CTNND2: variants seen among roughly 807,000 people sequenced by gnomAD.
The protein encoded by CTNND2 is catenin delta-2.
Under a neutral mutation model 144.4 loss-of-function variants are expected in CTNND2, and 22 were observed. The observed-to-expected ratio is 0.15, with a 90% confidence interval of 0.11 to 0.22. CTNND2 has a LOEUF of 0.22. CTNND2 is among the 10% of genes least tolerant of loss of function. The pLI is 1.00. For synonymous variants in CTNND2, 751 were observed against 695.6 expected (o/e 1.08, Z -1.25); for missense variants, 1,353 against 1,618.8 (o/e 0.84, Z 2.82).
chr5:11,392,383 T>C (rs965055386), intron 6 of CTNND2, among the ~76,000 whole-genome samples: 2 of 152,228 alleles, frequency 1.3e-5, no homozygotes, highest in Non-Finnish European at 2.9e-5. Flanking sequence ...AGATTTATCT[T>C]GAAGAATACG....
intron 3 of CTNND2, among the ~76,000 whole-genome samples, chr5:11,512,585 C>A (rs1376202248): frequency 6.6e-6 from 1 of 152,212 alleles, no homozygotes; most frequent in Non-Finnish European, 1.5e-5. Context: ...ATCTGACACA[C>A]TCTATTCATC....
intron 2 of CTNND2, among the ~76,000 whole-genome samples, chr5:11,637,717 T>A (rs1781787158): frequency 6.6e-6 from 1 of 152,178 alleles, no homozygotes; most frequent in African/African-American, 2.4e-5. Context: ...CAACAAATAA[T>A]GGTTTGAAAA....
intron 2 of CTNND2, among the ~76,000 whole-genome samples, chr5:11,665,940 C>T (rs1783546421): frequency 6.6e-6 from 1 of 152,138 alleles, no homozygotes; most frequent in Non-Finnish European, 1.5e-5. Flanking sequence ...CCTTGATAAT[C>T]ATCAATCAGG....
At position 11,562,969 on chromosome 5, in the gene CTNND2, G is replaced by T. The variant is rs1051714727; in HGVS notation, c.287+1975C>A. Among the ~76,000 whole-genome samples, 5 of 152,288 alleles carry T rather than the reference G, an allele frequency of 3.3e-5. No individual in the cohort carries two copies. The South Asian group carries it at 8.3e-4, about 25-fold the overall frequency. Reference sequence around the variant, plus strand: ...GCTTCTCTGTTTTGGGAGGCTCACTGTTACCACAGAGTCCTCCACTAGCAC... The same window carrying T: ...GCTTCTCTGTTTTGGGAGGCTCACTTTTACCACAGAGTCCTCCACTAGCAC... On this transcript the variant is annotated intron_variant, in intron 3 of 21. Transcript: ENST00000304623.
intron 2 of CTNND2, among the ~76,000 whole-genome samples, chr5:11,630,050 T>C (rs1157327253): frequency 1.3e-5 from 2 of 152,230 alleles, no homozygotes; most frequent in Non-Finnish European, 2.9e-5. Flanking sequence ...TTTCTACTTA[T>C]ACGTGCATTT....
chr5:11,157,657 T>C (rs768472598), intron 12 of CTNND2, among the ~76,000 whole-genome samples: 1 of 152,218 alleles, frequency 6.6e-6, no homozygotes, highest in Non-Finnish European at 1.5e-5. Flanking sequence ...CTTGGCTTTG[T>C]TGGAAAAATG....
At chr5:11,170,071 T>C (rs1322959091) in intron 11 of CTNND2, among the ~76,000 whole-genome samples, 3 of 152,206 alleles carry the variant, frequency 2.0e-5, no homozygotes, top group Non-Finnish European at 4.4e-5. Context: ...AAGTCCATTT[T>C]ACAGATGAGG....
chr5:11,765,909 C>T (rs1265729246), intron 1 of CTNND2, among the ~76,000 whole-genome samples: 1 of 152,132 alleles, frequency 6.6e-6, no homozygotes, highest in Non-Finnish European at 1.5e-5. Flanking sequence ...ATCTGTTATA[C>T]ACTGTGGATT....
intron 2 of CTNND2, among the ~76,000 whole-genome samples, chr5:11,590,689 A>T (rs993662829): frequency 6.6e-6 from 1 of 150,682 alleles, no homozygotes; most frequent in Non-Finnish European, 1.5e-5. Context: ...ACACCCTCCC[A>T]GCCCTTGTGA....
chr5:11,453,851 CT>C (rs1765495095), intron 3 of CTNND2, among the ~76,000 whole-genome samples: 2 of 152,008 alleles, frequency 1.3e-5, no homozygotes, highest in Non-Finnish European at 2.9e-5. Flanking sequence ...AGGATTTATA[CT>C]ACTCTTCTTG....
chr5:11,428,574 T>G (rs1762998257), intron 3 of CTNND2, among the ~76,000 whole-genome samples: 1 of 152,226 alleles, frequency 6.6e-6, no homozygotes, highest in Non-Finnish European at 1.5e-5. Context: ...GAACAGAGAC[T>G]AAACCACATT....
At position 11,684,115 on chromosome 5, in the gene CTNND2, T is replaced by A. The variant is rs59625990; in HGVS notation, c.174+48021A>T. 4.3e-3 allele frequency among the ~76,000 whole-genome samples: 661 copies of A among 152,052 alleles called. 5 individuals are homozygous for A. Among genetic ancestry groups the A allele is most frequent in the African/African-American group, 0.015 (615 of 41,524 alleles). On this transcript the variant is annotated intron_variant, in intron 2 of 21. Coordinates refer to ENST00000304623, the MANE Select transcript of CTNND2 (RefSeq NM_001332.4). The stretch of plus-strand genomic sequence containing the variant: ...ATTTTTATTTTTATTTTTTATTTTT[T>A]TTTTTAGATGGAGTCTCGCTCTGTC...
chr5:11,428,946 G>A (rs1273749722), intron 3 of CTNND2, among the ~76,000 whole-genome samples: 2 of 152,194 alleles, frequency 1.3e-5, no homozygotes, highest in Middle Eastern at 3.4e-3. Context: ...AACATATCAT[G>A]GCAAATCCTT....
chr5:11,188,944 A>G (rs1326236176), intron 11 of CTNND2, among the ~76,000 whole-genome samples: 1 of 151,904 alleles, frequency 6.6e-6, no homozygotes, highest in Admixed American at 6.6e-5. Flanking sequence ...AGCCTGCTTG[A>G]TTTTTCTTCA....
At chr5:11,472,356 T>C (rs1395056810) in intron 3 of CTNND2, among the ~76,000 whole-genome samples, 1 of 152,238 alleles carries the variant, frequency 6.6e-6, no homozygotes, top group Non-Finnish European at 1.5e-5. Flanking sequence ...ATTTTACTTT[T>C]ATAATTGAAA....
chr5:11,683,497 A>G (rs1200250271), intron 2 of CTNND2, among the ~76,000 whole-genome samples: 1 of 152,228 alleles, frequency 6.6e-6, no homozygotes, highest in African/African-American at 2.4e-5. Flanking sequence ...CCGAAATACA[A>G]ATTAATCATT....
intron 3 of CTNND2, among the ~76,000 whole-genome samples, chr5:11,430,722 A>C (rs752312073): frequency 9.2e-5 from 14 of 152,314 alleles, no homozygotes; most frequent in African/African-American, 2.4e-4. Context: ...ACCACCACCA[A>C]CATTATTCCT....
chr5:11,365,307 G>T (rs1756874331), intron 7 of CTNND2, among the ~76,000 whole-genome samples: 1 of 152,196 alleles, frequency 6.6e-6, no homozygotes, highest in Non-Finnish European at 1.5e-5. Flanking sequence ...CAATGGCAAA[G>T]CCATCTTGAT....
In CTNND2 at chr5:11,123,463, C is replaced by T. The variant is rs377302523; in HGVS notation, c.2160-5896G>A. Among the ~76,000 whole-genome samples the T allele has an allele frequency of 2.6e-4, 40 of 152,342 alleles. 1 individual carries two copies. In the South Asian group the frequency reaches 8.1e-3, roughly 31 times the overall value. The stretch of plus-strand genomic sequence containing the variant: ...TGGGTAGAGGCAGCCAGGGCTGCTG[C>T]TAACCATCCCACAATGCTCAGGACT... On this transcript the variant is annotated intron_variant, in intron 12 of 21. Transcript: ENST00000304623.
Sources: allele counts gnomAD v4.1 joint callset (sites outside exome capture counted in the v4.1 genomes callset), GRCh38; gene constraint gnomAD v4.1.1; transcripts MANE v1.5; gene names NCBI Gene and HGNC (gene_info 2026-07-23, HGNC 2026-07-21).